Variants in BMPER observed in about 807,000 individuals in gnomAD.
The protein encoded by BMPER is BMP binding endothelial regulator.
BMPER carries 45 observed loss-of-function variants against 87.3 expected under a neutral mutation model. The ratio of observed to expected loss-of-function variants is 0.52; its 90% CI spans 0.41 to 0.66. The LOEUF is 0.66. Ranked by LOEUF, BMPER falls within the 30% of genes least tolerant of loss-of-function variation. The pLI, the probability that BMPER is intolerant of heterozygous loss-of-function variation, is 0.00. For synonymous variants in BMPER, 326 were observed against 316.2 expected, an observed-to-expected ratio of 1.03 and a Z score of -0.33; for missense variants, 784 against 867.5, an observed-to-expected ratio of 0.90 and a Z score of 1.21.
intron 2 of BMPER, among the ~76,000 whole-genome samples, chr7:33,910,258 G>A (rs1345450903): frequency 6.6e-6 from 1 of 152,162 alleles, no homozygotes; most frequent in Non-Finnish European, 1.5e-5. Flanking sequence ...AGTTATTACT[G>A]TTTTTGTATG....
chr7:34,061,306 T>G (rs142452154), intron 10 of BMPER, among the ~76,000 whole-genome samples: 7 of 152,312 alleles, frequency 4.6e-5, no homozygotes, highest in African/African-American at 1.7e-4. Flanking sequence ...ATACGTCACC[T>G]CCTTTAAATG....
At chr7:34,149,096 G>A (rs1293581372) in intron 14 of BMPER, among the ~76,000 whole-genome samples, 1 of 152,088 alleles carries the variant, frequency 6.6e-6, no homozygotes, top group Non-Finnish European at 1.5e-5. Context: ...TTTGGTTACA[G>A]AAGATAAGAG....
chr7:34,073,617 G>A (rs918132548), intron 11 of BMPER, among the ~76,000 whole-genome samples: 2 of 152,180 alleles, frequency 1.3e-5, no homozygotes, highest in African/African-American at 2.4e-5. Context: ...GGAGTTTAAG[G>A]TCTGGCTTAG....
chr7:34,066,891 G>A (rs942263205), intron 11 of BMPER, among the ~76,000 whole-genome samples: 7 of 152,250 alleles, frequency 4.6e-5, no homozygotes, highest in Admixed American at 3.9e-4. Context: ...TTGAGTATAT[G>A]AGAAAATTAA....
At chr7:33,945,205 T>G (rs1488382857) in intron 3 of BMPER, among the ~76,000 whole-genome samples, 1 of 150,384 alleles carries the variant, frequency 6.6e-6, no homozygotes, top group Non-Finnish European at 1.5e-5. Context: ...CCTCCCAAAG[T>G]GCTGGGATTA....
chr7:33,992,070 G>T (rs887268061), intron 6 of BMPER, among the ~76,000 whole-genome samples: 5 of 152,156 alleles, frequency 3.3e-5, no homozygotes, highest in Admixed American at 6.5e-5. Context: ...GTGTGGTGTG[G>T]TGCTGAAAAT....
At chr7:34,099,922 A>G (rs1294921675) in intron 13 of BMPER, among the ~76,000 whole-genome samples, 1 of 150,630 alleles carries the variant, frequency 6.6e-6, no homozygotes, top group Non-Finnish European at 1.5e-5. Flanking sequence ...TGTTTTTTTG[A>G]GATTCTGAGA....
At chr7:33,979,875 G>A (rs538603264) in intron 6 of BMPER, among the ~76,000 whole-genome samples, 15 of 152,204 alleles carry the variant, frequency 9.9e-5, no homozygotes, top group East Asian at 3.9e-4. Flanking sequence ...TGATGTTTTC[G>A]TGATGTGGTG....
chr7:34,115,751 G>A (rs1790102320), intron 13 of BMPER, among the ~76,000 whole-genome samples: 1 of 152,164 alleles, frequency 6.6e-6, no homozygotes, highest in South Asian at 2.1e-4. Flanking sequence ...ATGGACATTT[G>A]AATTGTATCT....
At chr7:34,084,602 AG>A (rs1481574881) in intron 12 of BMPER, among the ~76,000 whole-genome samples, 1 of 152,218 alleles carries the variant, frequency 6.6e-6, no homozygotes, top group Non-Finnish European at 1.5e-5. Context: ...TGGCTAGAAA[AG>A]TTTGTCATTT....
At chr7:33,971,298 C>G (rs1440750922) in intron 5 of BMPER, among the ~76,000 whole-genome samples, 1 of 152,242 alleles carries the variant, frequency 6.6e-6, no homozygotes, top group East Asian at 1.9e-4. Context: ...CTGTCACTTT[C>G]CTCCATGCAG....
Position 34,079,176 on chromosome 7 carries a change from C to G in BMPER, c.1398C>G (p.Thr466=). 1.2e-6 allele frequency: 2 copies of G among 1,613,666 alleles called. No homozygotes were observed. The highest frequency in any genetic ancestry group is 8.5e-7 in the Non-Finnish European group (1 of 1,180,022). Reference sequence around the variant, plus strand: ...TGGATGGCTACCTCTTGAAAGTGACCACCAAAGCAGGTGGGGCGTCTGTGG... The same window carrying G: ...TGGATGGCTACCTCTTGAAAGTGACGACCAAAGCAGGTGGGGCGTCTGTGG... ...IDLDGYLLKV[T]TKAGLEISWD... The change falls in exon 12 of 15, where the codon ACC becomes ACG. Residue 466 remains threonine, a synonymous_variant. Coordinates refer to ENST00000649409, the MANE Select transcript of BMPER (RefSeq NM_001365308.1).
intron 13 of BMPER, among the ~76,000 whole-genome samples, chr7:34,109,167 A>G (rs1789898119): frequency 6.6e-6 from 1 of 152,196 alleles, no homozygotes; most frequent in Non-Finnish European, 1.5e-5. Flanking sequence ...CTGATGTCAT[A>G]GTCCCAGTCC....
At chr7:34,065,237 T>C (rs965599693) in intron 11 of BMPER, among the ~76,000 whole-genome samples, 1 of 149,468 alleles carries the variant, frequency 6.7e-6, no homozygotes, top group African/African-American at 2.5e-5. Context: ...TCTCTCTCTC[T>C]CTCTCTCTCT....
intron 2 of BMPER, among the ~76,000 whole-genome samples, chr7:33,926,700 A>G (rs1312170720): frequency 6.6e-6 from 1 of 152,256 alleles, no homozygotes; most frequent in Admixed American, 6.5e-5. Context: ...AAGAGAACAC[A>G]GTGCTAATGG....
intron 14 of BMPER, among the ~76,000 whole-genome samples, chr7:34,147,585 C>T (rs1252418887): frequency 1.3e-5 from 2 of 152,172 alleles, no homozygotes; most frequent in African/African-American, 2.4e-5. Flanking sequence ...ATTCTCCTGC[C>T]TCAGCCTCCC....
At chr7:33,941,645 G>T (rs895673412) in intron 3 of BMPER, among the ~76,000 whole-genome samples, 2 of 152,094 alleles carry the variant, frequency 1.3e-5, no homozygotes, top group Non-Finnish European at 2.9e-5. Flanking sequence ...TTCACAATAG[G>T]GTTTGTGCTT....
In BMPER at chr7:33,949,255, G is replaced by A. The variant is rs75841139; in HGVS notation, c.319+11867G>A. Among the ~76,000 whole-genome samples, 1,252 of 152,240 alleles carry A rather than the reference G, an allele frequency of 8.2e-3. 20 individuals carry two copies. Among genetic ancestry groups the A allele is most frequent in the African/African-American group, 0.028 (1,149 of 41,532 alleles). ...TATGTGTGTATGTGTGTGCTTGGCT[G>A]CATACAATATCTTAAATAGGTCATG... On this transcript the variant is annotated intron_variant, in intron 3 of 14. Transcript: ENST00000649409.
At chr7:33,910,541 C>T (rs1246799460) in intron 2 of BMPER, among the ~76,000 whole-genome samples, 1 of 152,322 alleles carries the variant, frequency 6.6e-6, no homozygotes, top group East Asian at 1.9e-4. Flanking sequence ...CCTGAGAAAA[C>T]TTTGGAGGCT....
Sources: allele counts gnomAD v4.1 joint callset (sites outside exome capture counted in the v4.1 genomes callset), GRCh38; gene constraint gnomAD v4.1.1; transcripts MANE v1.5; gene names NCBI Gene and HGNC (gene_info 2026-07-23, HGNC 2026-07-21).